PTPRC: variants seen among roughly 807,000 people sequenced by gnomAD.
The protein encoded by PTPRC is protein tyrosine phosphatase receptor type C.
In PTPRC, 44 loss-of-function variants were observed where a neutral mutation model predicts 155.9. The ratio of observed to expected loss-of-function variants is 0.28; its 90% CI spans 0.22 to 0.36. PTPRC has a LOEUF of 0.36. Ranked by LOEUF, PTPRC falls within the 10% of genes least tolerant of loss-of-function variation. The pLI is 1.00. For missense variants in PTPRC, 1,401 were observed against 1,564.6 expected, an observed-to-expected ratio of 0.90 and a Z score of 1.76; for synonymous variants, 525 against 533.1, an observed-to-expected ratio of 0.98 and a Z score of 0.21.
intron 13 of PTPRC, among the ~76,000 whole-genome samples, chr1:198,717,816 T>C (rs540696505): frequency 2.0e-5 from 3 of 152,184 alleles, no homozygotes; most frequent in South Asian, 2.1e-4. Flanking sequence ...CTCCCTTCCC[T>C]TTTTCTCTAT....
intron 3 of PTPRC, chr1:198,695,282 C>T (rs1173249561): frequency 1.2e-5 from 9 of 755,548 alleles, no homozygotes; most frequent in Middle Eastern, 6.7e-4. Context: ...CTCCCTTTTT[C>T]CATATTTGTG....
intron 2 of PTPRC, among the ~76,000 whole-genome samples, chr1:198,653,505 T>C (rs546252112): frequency 2.0e-5 from 3 of 151,956 alleles, no homozygotes; most frequent in Admixed American, 2.0e-4. Flanking sequence ...AAATACAGAA[T>C]GTTCAACCAC....
At chr1:198,747,981 G>T in intron 26 of PTPRC, 128 bp from the exon 27 acceptor site, 1 of 1,378,616 alleles carries the variant, frequency 7.3e-7, no homozygotes, top group Non-Finnish European at 9.8e-7. Flanking sequence ...AAAAATTATG[G>T]CCTATAGGGA....
intron 15 of PTPRC, among the ~76,000 whole-genome samples, chr1:198,726,878 T>C (rs1465838019): frequency 6.8e-6 from 1 of 148,134 alleles, no homozygotes; most frequent in African/African-American, 2.4e-5. Flanking sequence ...TTTTTTTTTT[T>C]TCTTGACAGA....
intron 2 of PTPRC, among the ~76,000 whole-genome samples, chr1:198,682,145 T>C (rs889934246): frequency 6.6e-6 from 1 of 152,258 alleles, no homozygotes; most frequent in South Asian, 2.1e-4. Context: ...GAACAACACA[T>C]TGAAAACCTC....
rs917378139 is a variant in PTPRC at position 198,710,050 on chromosome 1, T to C, written c.1171+226T>C. 2.6e-5 allele frequency among the ~76,000 whole-genome samples: 4 copies of C among 152,226 alleles called. No individual in the cohort carries two copies. The East Asian group carries it at 5.8e-4, about 22-fold the overall frequency. ...GCCAAGTCATGCAGATTTATCCATA[T>C]GTTTTGTTCTAAAAATTTTATAGCA... On this transcript the variant is annotated intron_variant, in intron 11 of 32. Coordinates refer to ENST00000442510, the MANE Select transcript of PTPRC (RefSeq NM_002838.5).
At chr1:198,658,377 T>G (rs192226837) in intron 2 of PTPRC, among the ~76,000 whole-genome samples, 17 of 152,288 alleles carry the variant, frequency 1.1e-4, no homozygotes, top group African/African-American at 4.1e-4. Flanking sequence ...GCCTGAGTAT[T>G]ATTTTATTAT....
intron 32 of PTPRC, among the ~76,000 whole-genome samples, chr1:198,755,392 A>G (rs1441774293): frequency 6.6e-6 from 1 of 152,074 alleles, no homozygotes; most frequent in African/African-American, 2.4e-5. Context: ...GGTACTTAAA[A>G]ATGTATCAAA....
At chr1:198,657,369 C>T (rs946887184) in intron 2 of PTPRC, among the ~76,000 whole-genome samples, 6 of 151,986 alleles carry the variant, frequency 3.9e-5, no homozygotes, top group Non-Finnish European at 7.4e-5. Context: ...CCACTATTTT[C>T]TGAAGATTTT....
chr1:198,719,280 T>A (rs1488762976), intron 14 of PTPRC, among the ~76,000 whole-genome samples: 2 of 152,110 alleles, frequency 1.3e-5, no homozygotes, highest in African/African-American at 4.8e-5. Flanking sequence ...GGTATTGATA[T>A]CTTTCTTTTA....
intron 27 of PTPRC, 131 bp downstream of exon 27, chr1:198,748,330 A>C: frequency 8.1e-7 from 1 of 1,235,472 alleles, no homozygotes; most frequent in Non-Finnish European, 1.1e-6. Context: ...AATAGGGAAG[A>C]AGTTACTAGG....
chr1:198,668,628 TA>T (rs908914703), intron 2 of PTPRC, among the ~76,000 whole-genome samples: 2 of 152,140 alleles, frequency 1.3e-5, no homozygotes, highest in Admixed American at 1.3e-4. Context: ...AAAGTAAATA[TA>T]AAATGGTGCT....
At chr1:198,738,696 A>AT (rs1654763014) in intron 23 of PTPRC, among the ~76,000 whole-genome samples, 1 of 151,692 alleles carries the variant, frequency 6.6e-6, no homozygotes, top group African/African-American at 2.4e-5. Flanking sequence ...TTTCTCTTCC[A>AT]TTTTTTGGAA....
intron 26 of PTPRC, among the ~76,000 whole-genome samples, chr1:198,745,850 A>G (rs1007893403): frequency 4.6e-5 from 7 of 151,846 alleles, no homozygotes; most frequent in African/African-American, 1.7e-4. Flanking sequence ...GAGAGAAAGT[A>G]GTAAGGATAA....
rs542351562 is a variant in PTPRC, at chr1:198,735,464, T to C, written c.2403+212T>C. ...TTTTGTCCAACTCAAATCGAAAGAA[T>C]TATACTGTATTAATTAATTATCTGT... On this transcript the variant is annotated intron_variant, in intron 23 of 32. Coordinates refer to ENST00000442510, the MANE Select transcript of PTPRC (RefSeq NM_002838.5). 4.3e-3 allele frequency among the ~76,000 whole-genome samples: 657 copies of C among 151,626 alleles called. 1 individual carries two copies. The highest frequency in any genetic ancestry group is 7.9e-3 in the Non-Finnish European group (533 of 67,682).
In PTPRC at chr1:198,754,276, T is replaced by G. The variant is rs772354314; in HGVS notation, c.3517T>G (p.Ser1173Ala). Residue 1173 changes from serine (S) to alanine (A), a missense_variant, in exon 32 of 33, where the codon TCT becomes GCT. Ser to Ala is a moderately conservative substitution (Grantham distance 99). This residue lies in a region of PTPRC where 400 missense variants were observed against 389.5 expected (regional missense o/e 1.03). Coordinates refer to ENST00000442510, the MANE Select transcript of PTPRC (RefSeq NM_002838.5). ...TPLLIHCRDG[S>A]QQTGIFCALL... Reference sequence around the variant, plus strand: ...CTTTTCTTTCTTTTATAGGGATGGATCTCAGCAAACGGGAATATTTTGTGC... The same window carrying G: ...CTTTTCTTTCTTTTATAGGGATGGAGCTCAGCAAACGGGAATATTTTGTGC... 3.1e-6 allele frequency: 5 copies of G among 1,609,708 alleles called. No individual in the cohort carries two copies. In the South Asian group the frequency reaches 5.5e-5, roughly 18 times the overall value.
intron 18 of PTPRC, among the ~76,000 whole-genome samples, 153 bp downstream of exon 18, chr1:198,731,879 AAGAG>A (rs1553243046): frequency 1.3e-5 from 2 of 152,026 alleles, no homozygotes; most frequent in Non-Finnish European, 2.9e-5. Flanking sequence ...TATGAACCAG[AAGAG>A]AGACTCATAG....
intron 5 of PTPRC, among the ~76,000 whole-genome samples, chr1:198,700,996 G>A (rs752432459): frequency 6.1e-4 from 92 of 152,018 alleles, no homozygotes; most frequent in Non-Finnish European, 8.7e-4. Flanking sequence ...AAAAGAAGGT[G>A]GAAAAAAGCT....
chr1:198,642,904 CTTCCTTT>C (rs1557960099), intron 2 of PTPRC, among the ~76,000 whole-genome samples: 6,056 of 142,988 alleles, frequency 0.042, 132 homozygotes, highest in African/African-American at 0.048. Flanking sequence ...TTCTTTCTTT[CTTCCTTT>C]CTTTCTTTCT....
Sources: gnomAD v4.1 joint callset for allele counts (sites outside exome capture counted in the v4.1 genomes callset) on GRCh38, gnomAD v4.1.1 for gene constraint, gnomAD v4.1.1 regional missense constraint, MANE v1.5 for transcripts, NCBI Gene and HGNC (gene_info 2026-07-23, HGNC 2026-07-21) for gene names.